PTPRD: variants seen among roughly 807,000 people sequenced by gnomAD.
The protein encoded by PTPRD is receptor-type tyrosine-protein phosphatase delta.
PTPRD carries 34 observed loss-of-function variants against 214.5 expected under a neutral mutation model. That is an observed-to-expected ratio of 0.16 (90% CI 0.12 to 0.21). The LOEUF is 0.21. Among genes scored for constraint, PTPRD ranks in the 10% least tolerant of loss-of-function variants. PTPRD has a pLI of 1.00. For synonymous variants in PTPRD, 1,128 were observed against 845.7 expected, an observed-to-expected ratio of 1.33 and a Z score of -5.79; for missense variants, 2,545 against 2,398.7, an observed-to-expected ratio of 1.06 and a Z score of -1.27.
At chr9:9,396,112 T>C (rs2067705891) in intron 9 of PTPRD, among the ~76,000 whole-genome samples, 1 of 152,058 alleles carries the variant, frequency 6.6e-6, no homozygotes, top group Non-Finnish European at 1.5e-5. Flanking sequence ...CCCAGTTCTT[T>C]TTGTATGTGA....
intron 26 of PTPRD, among the ~76,000 whole-genome samples, chr9:8,496,484 C>T (rs992092851): frequency 2.0e-5 from 3 of 152,166 alleles, no homozygotes; most frequent in African/African-American, 4.8e-5. Flanking sequence ...GTGTCCCTTG[C>T]AGTGGCATAT....
At chr9:9,665,210 T>C (rs2096697207) in intron 7 of PTPRD, among the ~76,000 whole-genome samples, 2 of 151,666 alleles carry the variant, frequency 1.3e-5, no homozygotes, top group South Asian at 4.1e-4. Flanking sequence ...AGAGCCAACT[T>C]TCTTGTAACG....
chr9:10,146,506 A>G (rs954618549), intron 3 of PTPRD, among the ~76,000 whole-genome samples: 1 of 152,114 alleles, frequency 6.6e-6, no homozygotes, highest in Non-Finnish European at 1.5e-5. Context: ...ACCTCAGGGA[A>G]TAAGAATGCA....
At chr9:10,482,182 T>G (rs528062890) in intron 2 of PTPRD, among the ~76,000 whole-genome samples, 1 of 151,886 alleles carries the variant, frequency 6.6e-6, no homozygotes, top group Non-Finnish European at 1.5e-5. Flanking sequence ...CCAGCCCGGC[T>G]AACACAGTGA....
At chr9:10,521,190 C>T (rs970284890) in intron 2 of PTPRD, among the ~76,000 whole-genome samples, 1 of 151,978 alleles carries the variant, frequency 6.6e-6, no homozygotes, top group Non-Finnish European at 1.5e-5. Flanking sequence ...TCAACATGAA[C>T]AGTAGATTGG....
chr9:8,673,086 C>T (rs1196629436), intron 12 of PTPRD, among the ~76,000 whole-genome samples: 2 of 151,978 alleles, frequency 1.3e-5, no homozygotes, highest in African/African-American at 2.4e-5. Flanking sequence ...GATATCCTTA[C>T]ACATCTTACC....
At chr9:8,859,319 C>T (rs1469439470) in intron 11 of PTPRD, among the ~76,000 whole-genome samples, 2 of 152,170 alleles carry the variant, frequency 1.3e-5, no homozygotes, top group Non-Finnish European at 2.9e-5. Context: ...TCCACACAAC[C>T]CAAGGTGACT....
chr9:10,083,325 A>C (rs757652657), intron 3 of PTPRD, among the ~76,000 whole-genome samples: 3 of 152,004 alleles, frequency 2.0e-5, no homozygotes, highest in East Asian at 1.9e-4. Context: ...TAGTCTTATA[A>C]GTCTTAAGCA....
At chr9:10,259,532 G>T (rs942106090) in intron 3 of PTPRD, among the ~76,000 whole-genome samples, 1 of 152,086 alleles carries the variant, frequency 6.6e-6, no homozygotes, top group African/African-American at 2.4e-5. Context: ...TACACCTTTA[G>T]GATCAGCCCA....
At chr9:10,054,457 G>T (rs560542200) in intron 3 of PTPRD, among the ~76,000 whole-genome samples, 92 of 152,214 alleles carry the variant, frequency 6.0e-4, no homozygotes, top group African/African-American at 1.9e-3. Flanking sequence ...CTGTAGAAAG[G>T]CTTCCTTCTA....
intron 43 of PTPRD, among the ~76,000 whole-genome samples, chr9:8,334,725 C>A (rs1844906534): frequency 9.4e-6 from 1 of 106,076 alleles, no homozygotes; most frequent in Admixed American, 8.7e-5. Flanking sequence ...AAAAACCCTT[C>A]AAAAAATCAA....
intron 5 of PTPRD, among the ~76,000 whole-genome samples, chr9:9,890,609 G>A (rs531345335): frequency 6.6e-6 from 1 of 152,120 alleles, no homozygotes; most frequent in South Asian, 2.1e-4. Flanking sequence ...ATCATCAGAA[G>A]CATAAAGAGC....
At chr9:8,627,621 TG>T (rs2096084949) in intron 14 of PTPRD, among the ~76,000 whole-genome samples, 1 of 151,898 alleles carries the variant, frequency 6.6e-6, no homozygotes, top group South Asian at 2.1e-4. Context: ...GATCTCAGTG[TG>T]GCAAAACAAG....
intron 38 of PTPRD, 58 bp from the exon 39 acceptor site, chr9:8,376,148 G>A: frequency 6.3e-7 from 1 of 1,584,188 alleles, no homozygotes; most frequent in Non-Finnish European, 8.6e-7. Flanking sequence ...TGGTAATGAT[G>A]AATAACAGGG....
chr9:10,484,302 G>C (rs1220057552), intron 2 of PTPRD, among the ~76,000 whole-genome samples: 1 of 152,036 alleles, frequency 6.6e-6, no homozygotes, highest in Non-Finnish European at 1.5e-5. Flanking sequence ...GAAAAGGGGA[G>C]TGTGGAAAGA....
chr9:9,662,450 T>C (rs1013933564), intron 7 of PTPRD, among the ~76,000 whole-genome samples: 10 of 151,634 alleles, frequency 6.6e-5, no homozygotes, highest in African/African-American at 2.4e-4. Context: ...ATTTGTGCCA[T>C]AAATAAGCAA....
At chr9:10,116,983 C>T (rs2098735444) in intron 3 of PTPRD, among the ~76,000 whole-genome samples, 1 of 152,114 alleles carries the variant, frequency 6.6e-6, no homozygotes, top group South Asian at 2.1e-4. Context: ...TATTCATAAT[C>T]ACATTCTTCC....
chr9:10,034,595 G>T (rs1239755186), intron 3 of PTPRD, among the ~76,000 whole-genome samples: 1 of 151,262 alleles, frequency 6.6e-6, no homozygotes, highest in East Asian at 1.9e-4. Context: ...CCTCCAATAG[G>T]CCCCAGTGTA....
chr9:8,450,369 A>T (rs1373205469), intron 33 of PTPRD, among the ~76,000 whole-genome samples: 1 of 152,186 alleles, frequency 6.6e-6, no homozygotes, highest in Non-Finnish European at 1.5e-5. Context: ...TTAAGATGCC[A>T]AGTTATCCTA....
Sources: gnomAD v4.1 joint callset for allele counts (sites outside exome capture counted in the v4.1 genomes callset) on GRCh38, gnomAD v4.1.1 for gene constraint, MANE v1.5 for transcripts, NCBI Gene and HGNC (gene_info 2026-07-23, HGNC 2026-07-21) for gene names.